The following DRC11 variants were observed in gnomAD, a reference collection of about 807,000 sequenced individuals.
DRC11 encodes dynein regulatory complex subunit 11, also known as IQ and AAA domain-containing protein 1.
chr2:236,387,126 A>G, the DRC11 span, among the ~76,000 whole-genome samples: 10 of 151,682 alleles, frequency 6.6e-5, no homozygotes, highest in Admixed American at 6.6e-4. Context: ...GTGATGAAAA[A>G]AATGTATATT....
At chr2:236,381,803 A>C in the DRC11 span, among the ~76,000 whole-genome samples, 1 of 152,074 alleles carries the variant, frequency 6.6e-6, no homozygotes, top group Admixed American at 6.6e-5. The surrounding 1 kb of genome is among the most constrained non-coding windows in gnomAD (Gnocchi z 5.8). Flanking sequence ...CTTGTTTCTT[A>C]ACTTCTGAGT....
the DRC11 span, among the ~76,000 whole-genome samples, chr2:236,459,492 C>CAT: frequency 7.9e-6 from 1 of 127,242 alleles, no homozygotes; most frequent in Non-Finnish European, 1.7e-5. Context: ...AATATGTATA[C>CAT]GTATATATGT....
the DRC11 span, among the ~76,000 whole-genome samples, chr2:236,353,710 T>C: frequency 2.6e-5 from 4 of 151,576 alleles, no homozygotes; most frequent in Admixed American, 2.0e-4. This position sits in a 1 kb window ranked among gnomAD's most constrained non-coding sequence, Gnocchi z 5.0. Context: ...GAAGCAGGGG[T>C]GTCTGGGAGT....
the DRC11 span, among the ~76,000 whole-genome samples, chr2:236,337,335 G>A: frequency 1.9e-3 from 286 of 151,920 alleles, 1 homozygote; most frequent in African/African-American, 5.9e-3. This position sits in a 1 kb window ranked among gnomAD's most constrained non-coding sequence, Gnocchi z 4.9. Context: ...TTCCCCTGCC[G>A]TTCACCACCC....
At chr2:236,388,035 T>G in the DRC11 span, among the ~76,000 whole-genome samples, 2 of 152,220 alleles carry the variant, frequency 1.3e-5, no homozygotes, top group East Asian at 3.8e-4. Flanking sequence ...AGATCAGCTG[T>G]TAGTCTGATG....
At chr2:236,429,937 T>A in the DRC11 span, among the ~76,000 whole-genome samples, 1 of 152,060 alleles carries the variant, frequency 6.6e-6, no homozygotes, top group Non-Finnish European at 1.5e-5. This position sits in a 1 kb window ranked among gnomAD's most constrained non-coding sequence, Gnocchi z 5.9. Flanking sequence ...CAGAATATGC[T>A]GTTGGGGTTC....
the DRC11 span, chr2:236,324,584 G>A: frequency 1.4e-6 from 1 of 707,340 alleles, no homozygotes; most frequent in South Asian, 1.7e-5. The surrounding 1 kb of genome is among the most constrained non-coding windows in gnomAD (Gnocchi z 5.7). Context: ...GGGCAATGGT[G>A]AATCTTTTCT....
At chr2:236,405,256 G>A in the DRC11 span, among the ~76,000 whole-genome samples, 1 of 152,006 alleles carries the variant, frequency 6.6e-6, no homozygotes, top group South Asian at 2.1e-4. The surrounding 1 kb of genome is among the most constrained non-coding windows in gnomAD (Gnocchi z 4.6). Context: ...CTTGCTGGCT[G>A]AACAAATAAT....
the DRC11 span, among the ~76,000 whole-genome samples, chr2:236,468,036 T>C: frequency 2.0e-5 from 3 of 152,178 alleles, no homozygotes; most frequent in Non-Finnish European, 4.4e-5. Flanking sequence ...TTTGTAAATA[T>C]ATGCATTAGA....
chr2:236,503,580 C>T, the DRC11 span: 130 of 1,496,178 alleles, frequency 8.7e-5, no homozygotes, highest in African/African-American at 1.7e-3. The surrounding 1 kb of genome is among the most constrained non-coding windows in gnomAD (Gnocchi z 4.9). Flanking sequence ...AGATTCCCGG[C>T]TGACAGGAAA....
At chr2:236,356,583 T>G in the DRC11 span, among the ~76,000 whole-genome samples, 1 of 152,162 alleles carries the variant, frequency 6.6e-6, no homozygotes, top group South Asian at 2.1e-4. Flanking sequence ...CATTCAGCAC[T>G]CTGAGTGTCA....
At chr2:236,405,526 T>C in the DRC11 span, among the ~76,000 whole-genome samples, 1 of 152,082 alleles carries the variant, frequency 6.6e-6, no homozygotes, top group East Asian at 1.9e-4. This position sits in a 1 kb window ranked among gnomAD's most constrained non-coding sequence, Gnocchi z 4.6. Context: ...ACCGCTAAGA[T>C]GCTCAACCGC....
At chr2:236,324,397 G>C in the DRC11 span, 1 of 291,244 alleles carries the variant, frequency 3.4e-6, no homozygotes, top group African/African-American at 2.1e-5. The surrounding 1 kb of genome is among the most constrained non-coding windows in gnomAD (Gnocchi z 5.7). Context: ...GGTGTCAAGA[G>C]TGAATTTCAG....
At chr2:236,431,618 A>G in the DRC11 span, among the ~76,000 whole-genome samples, 124 of 152,344 alleles carry the variant, frequency 8.1e-4, no homozygotes, top group African/African-American at 2.9e-3. The surrounding 1 kb of genome is among the most constrained non-coding windows in gnomAD (Gnocchi z 4.2). Flanking sequence ...TTCTGTGTCT[A>G]CAGGTTTACT....
the DRC11 span, among the ~76,000 whole-genome samples, chr2:236,495,331 A>G: frequency 6.6e-6 from 1 of 152,362 alleles, no homozygotes; most frequent in South Asian, 2.1e-4. This position sits in a 1 kb window ranked among gnomAD's most constrained non-coding sequence, Gnocchi z 5.6. Context: ...CAAGAACAGC[A>G]AAACTCCATC....
the DRC11 span, chr2:236,331,499 G>A: frequency 1.9e-6 from 3 of 1,613,958 alleles, no homozygotes; most frequent in Non-Finnish European, 2.5e-6. This position sits in a 1 kb window ranked among gnomAD's most constrained non-coding sequence, Gnocchi z 4.8. Context: ...TCGACTATAT[G>A]TCCTTGGGTG....
chr2:236,505,612 C>T, the DRC11 span, among the ~76,000 whole-genome samples: 11 of 152,164 alleles, frequency 7.2e-5, no homozygotes, highest in African/African-American at 2.7e-4. Context: ...GATGCTGTCA[C>T]CACTGCCCCT....
the DRC11 span, chr2:236,391,992 C>T: frequency 6.2e-7 from 1 of 1,613,950 alleles, no homozygotes; most frequent in African/African-American, 1.3e-5. The surrounding 1 kb of genome is among the most constrained non-coding windows in gnomAD (Gnocchi z 4.5). Context: ...CTTTTTCTTT[C>T]CTGCTTTCAC....
the DRC11 span, among the ~76,000 whole-genome samples, chr2:236,454,469 T>A: frequency 2.0e-5 from 3 of 152,216 alleles, no homozygotes. The surrounding 1 kb of genome is among the most constrained non-coding windows in gnomAD (Gnocchi z 5.3). Flanking sequence ...ATGAGTAACC[T>A]ACACATGGTT....
Sources: gnomAD v4.1 joint callset for allele counts (sites outside exome capture counted in the v4.1 genomes callset) on GRCh38, gnomAD v4.1.1 for gene constraint, Gnocchi (gnomAD v3.1) non-coding constraint, MANE v1.5 for transcripts, NCBI Gene and HGNC (gene_info 2026-07-23, HGNC 2026-07-21) for gene names.